Variants in STXBP5L observed in about 807,000 individuals in gnomAD.
STXBP5L encodes the protein syntaxin-binding protein 5-like.
In STXBP5L, 65 loss-of-function variants were observed where a neutral mutation model predicts 144.5. That is an observed-to-expected ratio of 0.45 (90% CI 0.37 to 0.55). The LOEUF (loss-of-function observed/expected upper bound fraction) is 0.55. Among genes scored for constraint, STXBP5L ranks in the 20% least tolerant of loss-of-function variants. The pLI is 0.00. For missense variants in STXBP5L, 1,298 were observed against 1,405.5 expected, an observed-to-expected ratio of 0.92 and a Z score of 1.22; for synonymous variants, 505 against 469.6, an observed-to-expected ratio of 1.08 and a Z score of -0.97.
chr3:120,953,491 G>A (rs1937668797), intron 2 of STXBP5L, among the ~76,000 whole-genome samples: 2 of 148,084 alleles, frequency 1.4e-5, no homozygotes, highest in African/African-American at 5.0e-5. Context: ...ATCATGCCTG[G>A]TGAATTTTTC....
chr3:121,270,693 TCCGCCCACCTAGG>T (rs1169511935), intron 18 of STXBP5L, among the ~76,000 whole-genome samples: 1 of 152,276 alleles, frequency 6.6e-6, no homozygotes, highest in South Asian at 2.1e-4. Flanking sequence ...CCTCATGTGA[TCCGCCCACCTAGG>T]CCTCCCAAAG....
At chr3:121,097,868 T>C (rs2043209796) in intron 5 of STXBP5L, among the ~76,000 whole-genome samples, 1 of 152,218 alleles carries the variant, frequency 6.6e-6, no homozygotes, top group Non-Finnish European at 1.5e-5. Flanking sequence ...TTACTGAATA[T>C]ATTATACTTA....
In STXBP5L at chr3:121,423,373, G is replaced by C. The variant is rs1218057763; in HGVS notation, c.*4276G>C. 1 of 152,204 alleles carries C rather than the reference G, an allele frequency of 6.6e-6. No individual in the cohort carries two copies. The highest frequency in any genetic ancestry group is 1.5e-5 in the Non-Finnish European group (1 of 68,034). The allele number at this position is 152,204 out of a possible 1,614,324, so 9.4% of individuals were successfully genotyped here. A position where few individuals can be genotyped will look rare whatever the true frequency, so the allele number is the denominator to read the frequency against. ...CATGGTTGTCAACATAACAAGTTTA[G>C]TGTGTGTATTTGCAGACAACATAGC... is the stretch of plus-strand genomic sequence containing the variant. On this transcript the variant is annotated 3_prime_UTR_variant, in exon 27 of 27. Transcript: ENST00000471454.
chr3:121,348,893 C>G (rs1258058859), intron 20 of STXBP5L, among the ~76,000 whole-genome samples: 1 of 151,858 alleles, frequency 6.6e-6, no homozygotes, highest in Non-Finnish European at 1.5e-5. Context: ...TTTTGTTGAC[C>G]TTTTCAAAAA....
At chr3:120,964,398 C>G (rs1355448543) in intron 3 of STXBP5L, among the ~76,000 whole-genome samples, 1 of 152,158 alleles carries the variant, frequency 6.6e-6, no homozygotes. Flanking sequence ...CCTTCCTTCT[C>G]TTGTGGGCTT....
chr3:121,045,331 G>C, intron 4 of STXBP5L, 104 bp from the exon 5 acceptor site: 1 of 978,094 alleles, frequency 1.0e-6, no homozygotes, highest in Non-Finnish European at 1.5e-6. Flanking sequence ...GATAACAAAA[G>C]TAACTCTTCA....
chr3:120,983,707 C>T (rs770346884), intron 3 of STXBP5L, among the ~76,000 whole-genome samples: 1 of 152,142 alleles, frequency 6.6e-6, no homozygotes, highest in African/African-American at 2.4e-5. Context: ...CTAGGGGTCT[C>T]TCACTCACCT....
At chr3:120,962,253 T>C (rs1196371486) in intron 3 of STXBP5L, among the ~76,000 whole-genome samples, 1 of 152,222 alleles carries the variant, frequency 6.6e-6, no homozygotes, top group Non-Finnish European at 1.5e-5. Flanking sequence ...GGTAGTTTCT[T>C]TTGCTGTGTA....
chr3:121,184,968 T>C (rs2047314771), intron 9 of STXBP5L, among the ~76,000 whole-genome samples: 1 of 152,138 alleles, frequency 6.6e-6, no homozygotes, highest in South Asian at 2.1e-4. Flanking sequence ...CCAAATAGTT[T>C]CATAAGCAAA....
chr3:121,214,025 T>C (rs1266603107), intron 10 of STXBP5L, among the ~76,000 whole-genome samples: 2 of 152,172 alleles, frequency 1.3e-5, no homozygotes, highest in Admixed American at 6.5e-5. Context: ...TGATGGTAGT[T>C]TGTATTTCTG....
intron 3 of STXBP5L, among the ~76,000 whole-genome samples, chr3:121,006,565 T>A (rs1019265374): frequency 1.3e-5 from 2 of 152,196 alleles, no homozygotes; most frequent in Non-Finnish European, 2.9e-5. Context: ...AGGTTGATAT[T>A]GTTATGTATG....
intron 3 of STXBP5L, among the ~76,000 whole-genome samples, chr3:120,956,629 T>G (rs890053957): frequency 6.6e-6 from 1 of 151,968 alleles, no homozygotes; most frequent in African/African-American, 2.4e-5. Context: ...AATATTGCTA[T>G]GAACATGGGT....
chr3:121,326,902 A>G (rs974171369), intron 20 of STXBP5L, among the ~76,000 whole-genome samples: 3 of 152,140 alleles, frequency 2.0e-5, no homozygotes, highest in Non-Finnish European at 4.4e-5. Context: ...CTGGAAATCA[A>G]AAAGTAAATT....
At chr3:121,382,123 A>G (rs1457407695) in intron 22 of STXBP5L, among the ~76,000 whole-genome samples, 1 of 151,966 alleles carries the variant, frequency 6.6e-6, no homozygotes, top group Non-Finnish European at 1.5e-5. Flanking sequence ...TGAAGAAGAG[A>G]TAAGTATGAT....
chr3:121,334,437 A>G (rs1304316055), intron 20 of STXBP5L, among the ~76,000 whole-genome samples: 2 of 147,470 alleles, frequency 1.4e-5, no homozygotes, highest in South Asian at 2.3e-4. Flanking sequence ...GCAGGGACAC[A>G]ACAACAAAAA....
chr3:121,047,950 T>C (rs1947639522), intron 5 of STXBP5L, among the ~76,000 whole-genome samples: 1 of 152,204 alleles, frequency 6.6e-6, no homozygotes, highest in African/African-American at 2.4e-5. Context: ...GTCAACAGTT[T>C]GTATACTTAA....
rs980614078 is a variant in STXBP5L at position 121,256,695 on chromosome 3, A to G, written c.1660-466A>G. ...GGCTTTAAACAAGTAATTTTTTCAT[A>G]CACACACAAACATACACACTACACA... On this transcript the variant is annotated intron_variant, in intron 16 of 26. Transcript: ENST00000471454. Among the ~76,000 whole-genome samples, 6 of 152,052 alleles carry G rather than the reference A, an allele frequency of 3.9e-5. No individual in the cohort carries two copies. The East Asian group carries it at 1.2e-3, about 29-fold the overall frequency.
chr3:121,146,587 T>C (rs573440279), intron 7 of STXBP5L, among the ~76,000 whole-genome samples: 1 of 152,082 alleles, frequency 6.6e-6, no homozygotes, highest in East Asian at 1.9e-4. Flanking sequence ...AACAATATGC[T>C]GTTACAAGAG....
intron 3 of STXBP5L, among the ~76,000 whole-genome samples, chr3:120,976,823 A>G (rs1450587689): frequency 3.3e-5 from 5 of 152,156 alleles, no homozygotes; most frequent in Non-Finnish European, 7.3e-5. Context: ...ATTCAGGAGC[A>G]GGTTGTTCAG....
Sources: allele counts gnomAD v4.1 joint callset (sites outside exome capture counted in the v4.1 genomes callset), GRCh38; gene constraint gnomAD v4.1.1; transcripts MANE v1.5; gene names NCBI Gene and HGNC (gene_info 2026-07-23, HGNC 2026-07-21).